PLEKHA2: variants seen among roughly 807,000 people sequenced by gnomAD.
PLEKHA2 encodes the protein pleckstrin homology domain containing A2.
PLEKHA2 carries 28 observed loss-of-function variants against 53.2 expected under a neutral mutation model. The ratio of observed to expected loss-of-function variants is 0.53; its 90% CI spans 0.39 to 0.72. The LOEUF (loss-of-function observed/expected upper bound fraction) is 0.72, where lower values mean the gene tolerates loss of function less well. Among genes scored for constraint, PLEKHA2 ranks in the 30% least tolerant of loss-of-function variants. The pLI is 0.00. For synonymous variants in PLEKHA2, 193 were observed against 196.4 expected (o/e 0.98, Z 0.14); for missense variants, 426 against 537.9 (o/e 0.79, Z 2.06).
chr8:38,959,797 G>A (rs574301228), intron 10 of PLEKHA2, among the ~76,000 whole-genome samples: 4 of 152,332 alleles, frequency 2.6e-5, no homozygotes, highest in African/African-American at 9.6e-5. Context: ...AGGTATGCCC[G>A]GATGTTTGGC....
chr8:38,908,897 C>T (rs1317497714), intron 1 of PLEKHA2, among the ~76,000 whole-genome samples: 1 of 152,172 alleles, frequency 6.6e-6, no homozygotes, highest in Non-Finnish European at 1.5e-5. Flanking sequence ...GTAATCCCAG[C>T]ACTTTGGGAG....
rs145627362 is a variant in PLEKHA2 at position 38,935,610 on chromosome 8, G to T, written c.142-384G>T. ...ATTTTTAAAATTTTTGTAGAGATGG[G>T]GTCTTGATATGTTATCCAGGCTGGT... On this transcript the variant is annotated intron_variant, in intron 2 of 11. Transcript: ENST00000617275. Among the ~76,000 whole-genome samples the T allele has an allele frequency of 9.2e-5, 14 of 152,024 alleles. No individual in the cohort carries two copies. The East Asian group carries it at 2.7e-3, about 29-fold the overall frequency.
chr8:38,940,694 C>T (rs1588258303), intron 3 of PLEKHA2, among the ~76,000 whole-genome samples: 1 of 146,868 alleles, frequency 6.8e-6, no homozygotes, highest in Admixed American at 6.9e-5. Context: ...TGTCTAGGGG[C>T]CTGGACTATT....
intron 2 of PLEKHA2, among the ~76,000 whole-genome samples, chr8:38,919,846 G>T (rs1834146858): frequency 6.6e-6 from 1 of 152,210 alleles, no homozygotes. Flanking sequence ...CTAGTATTCA[G>T]AATGAACCCT....
chr8:38,956,677 G>A lies in PLEKHA2; in HGVS notation c.774-646G>A, dbSNP rs570895439. Among the ~76,000 whole-genome samples, 4 of 152,262 alleles carry A rather than the reference G, an allele frequency of 2.6e-5. No homozygotes were observed. In the East Asian group the frequency reaches 5.8e-4, roughly 22 times the overall value. ...TAGCCAGGAGTGGTGGCATGTGCCT[G>A]TAGCCCCAGTGAGCCATGATTGTAC... On this transcript the variant is annotated intron_variant, in intron 9 of 11. Coordinates refer to ENST00000617275, the MANE Select transcript of PLEKHA2 (RefSeq NM_021623.2).
chr8:38,942,964 A>G (rs1171846454), intron 3 of PLEKHA2, among the ~76,000 whole-genome samples: 1 of 152,214 alleles, frequency 6.6e-6, no homozygotes, highest in Non-Finnish European at 1.5e-5. Flanking sequence ...CCATCAGGGC[A>G]GATGTAAAGG....
intron 10 of PLEKHA2, among the ~76,000 whole-genome samples, chr8:38,967,305 T>C (rs1835157237): frequency 6.6e-6 from 1 of 152,166 alleles, no homozygotes; most frequent in African/African-American, 2.4e-5. Context: ...TTTTTAAAGT[T>C]TTATTTTAGG....
chr8:38,950,821 C>G, intron 5 of PLEKHA2, 29 bp from the exon 6 acceptor site: 1 of 1,605,814 alleles, frequency 6.2e-7, no homozygotes, highest in African/African-American at 1.3e-5. Context: ...GTTCTGTTCC[C>G]CATTGATTGT....
chr8:38,952,898 G>T (rs1834873163), intron 8 of PLEKHA2, among the ~76,000 whole-genome samples, 194 bp downstream of exon 8: 1 of 152,204 alleles, frequency 6.6e-6, no homozygotes, highest in South Asian at 2.1e-4. Flanking sequence ...GAGCTGCTGT[G>T]TGGTCAGAGT....
intron 3 of PLEKHA2, among the ~76,000 whole-genome samples, chr8:38,942,667 G>T (rs558318510): frequency 1.3e-5 from 2 of 152,174 alleles, no homozygotes; most frequent in Non-Finnish European, 2.9e-5. Flanking sequence ...CTCCAGGGAG[G>T]CTCAGCCTCC....
At chr8:38,918,136 C>T in intron 2 of PLEKHA2, 66 bp downstream of exon 2, 1 of 1,548,546 alleles carries the variant, frequency 6.5e-7, no homozygotes, top group East Asian at 2.3e-5. Context: ...GGAATGCACA[C>T]AGGGTTAGCC....
At chr8:38,917,323 TG>T (rs1454610959) in intron 1 of PLEKHA2, among the ~76,000 whole-genome samples, 1 of 152,192 alleles carries the variant, frequency 6.6e-6, no homozygotes, top group African/African-American at 2.4e-5. Flanking sequence ...CCTGTGCTTG[TG>T]GGGTATTGTT....
At chr8:38,943,924 G>C (rs746137066) in intron 4 of PLEKHA2, 87 bp downstream of exon 4, 7 of 1,104,866 alleles carry the variant, frequency 6.3e-6, no homozygotes, top group Non-Finnish European at 9.0e-6. Flanking sequence ...GATCACATGT[G>C]ACTATACCCT....
At chr8:38,903,811 G>A (rs537554306) in intron 1 of PLEKHA2, among the ~76,000 whole-genome samples, 1 of 152,244 alleles carries the variant, frequency 6.6e-6, no homozygotes, top group South Asian at 2.1e-4. Context: ...GCTGTGGCTC[G>A]ACTTATTCCG....
chr8:38,937,645 C>T (rs1190474385), intron 3 of PLEKHA2, among the ~76,000 whole-genome samples: 3 of 152,128 alleles, frequency 2.0e-5, no homozygotes, highest in African/African-American at 7.2e-5. Flanking sequence ...TAGCCCCTTC[C>T]CGAGAAAGGC....
At chr8:38,933,790 A>AAAAAAAAAAAAAAGAAAAG (rs71216697) in intron 2 of PLEKHA2, among the ~76,000 whole-genome samples, 1 of 90,706 alleles carries the variant, frequency 1.1e-5, no homozygotes, top group Non-Finnish European at 2.4e-5. Context: ...AAAAAAAAAA[A>AAAAAAAAAAAAAAGAAAAG]AAAAGAAAAG....
At chr8:38,906,361 G>C (rs774274021) in intron 1 of PLEKHA2, among the ~76,000 whole-genome samples, 2 of 152,116 alleles carry the variant, frequency 1.3e-5, no homozygotes, top group South Asian at 2.1e-4. Context: ...GTTGTTTTTG[G>C]CATCTTTATT....
intron 1 of PLEKHA2, among the ~76,000 whole-genome samples, chr8:38,902,286 G>A (rs1423763664): frequency 6.6e-6 from 1 of 152,212 alleles, no homozygotes; most frequent in African/African-American, 2.4e-5. Flanking sequence ...CCAGAGAGGG[G>A]CGCAGGGCCC....
chr8:38,912,972 G>C (rs1299727191), intron 1 of PLEKHA2, among the ~76,000 whole-genome samples: 2 of 152,110 alleles, frequency 1.3e-5, no homozygotes, highest in African/African-American at 4.8e-5. Context: ...TTTCCCTTGG[G>C]TCCGTGAGGG....
Sources: gnomAD v4.1 joint callset for allele counts (sites outside exome capture counted in the v4.1 genomes callset) on GRCh38, gnomAD v4.1.1 for gene constraint, MANE v1.5 for transcripts, NCBI Gene and HGNC (gene_info 2026-07-23, HGNC 2026-07-21) for gene names.